The following RALGPS1 variants were observed in gnomAD, a reference collection of about 807,000 sequenced individuals.
RALGPS1 encodes Ral GEF with PH domain and SH3 binding motif 1.
RALGPS1 carries 19 observed loss-of-function variants against 78.8 expected under a neutral mutation model. The ratio of observed to expected loss-of-function variants is 0.24; its 90% confidence interval spans 0.17 to 0.35. The LOEUF (loss-of-function observed/expected upper bound fraction) is 0.35, where lower values mean the gene tolerates loss of function less well. Ranked by LOEUF, RALGPS1 falls within the 10% of genes least tolerant of loss-of-function variation. RALGPS1 has a pLI of 1.00. For missense variants in RALGPS1, 454 were observed against 688.3 expected, an observed-to-expected ratio of 0.66 and a Z score of 3.81; for synonymous variants, 228 against 256.3, an observed-to-expected ratio of 0.89 and a Z score of 1.06.
chr9:127,006,528 A>C (rs2133784013), intron 4 of RALGPS1, among the ~76,000 whole-genome samples: 1 of 152,290 alleles, frequency 6.6e-6, no homozygotes, highest in Non-Finnish European at 1.5e-5. Context: ...TCACAATTCC[A>C]CTGTTACATT....
intron 1 of RALGPS1, among the ~76,000 whole-genome samples, chr9:126,923,958 C>T (rs954363676): frequency 6.6e-6 from 1 of 152,194 alleles, no homozygotes; most frequent in Non-Finnish European, 1.5e-5. Context: ...TGCTATGGGA[C>T]ACTTTGGCAA....
intron 6 of RALGPS1, 102 bp downstream of exon 6, chr9:127,050,234 G>T: frequency 1.0e-6 from 1 of 960,072 alleles, no homozygotes; most frequent in Non-Finnish European, 1.6e-6. Context: ...CTTTGCTGTG[G>T]GCCTGCCAGG....
chr9:126,943,677 C>T (rs537716), intron 1 of RALGPS1, among the ~76,000 whole-genome samples: 4,190 of 152,206 alleles, frequency 0.028, 52 homozygotes, highest in Middle Eastern at 0.048. Flanking sequence ...GTTTTCCTGT[C>T]ACCTGGGGTG....
At chr9:127,044,870 C>T (rs1287646407) in intron 5 of RALGPS1, among the ~76,000 whole-genome samples, 1 of 152,172 alleles carries the variant, frequency 6.6e-6, no homozygotes, top group Non-Finnish European at 1.5e-5. Context: ...TCTTTTCTTC[C>T]TCCTCCTGAA....
chr9:127,113,956 T>C (rs1444369103), intron 8 of RALGPS1, among the ~76,000 whole-genome samples: 1 of 152,274 alleles, frequency 6.6e-6, no homozygotes, highest in Non-Finnish European at 1.5e-5. Flanking sequence ...AGCTGTGTGT[T>C]CTGCCCTGCA....
intron 8 of RALGPS1, among the ~76,000 whole-genome samples, chr9:127,084,527 C>A (rs2051500204): frequency 6.6e-6 from 1 of 152,214 alleles, no homozygotes; most frequent in Non-Finnish European, 1.5e-5. Flanking sequence ...CCTCTTCCCA[C>A]TGCTCTTTGT....
chr9:127,138,336 G>T (rs532298339), intron 8 of RALGPS1, among the ~76,000 whole-genome samples: 2 of 152,312 alleles, frequency 1.3e-5, no homozygotes, highest in African/African-American at 4.8e-5. Flanking sequence ...GAGCTGGGAA[G>T]AGAGGCCAGA....
At chr9:127,027,294 A>G (rs1206922074) in intron 4 of RALGPS1, among the ~76,000 whole-genome samples, 1 of 152,160 alleles carries the variant, frequency 6.6e-6, no homozygotes, top group Non-Finnish European at 1.5e-5. Context: ...TGCATATGTC[A>G]GGTGTCATTT....
At chr9:127,070,387 T>G (rs979422100) in intron 8 of RALGPS1, among the ~76,000 whole-genome samples, 3 of 152,214 alleles carry the variant, frequency 2.0e-5, no homozygotes, top group African/African-American at 7.2e-5. Flanking sequence ...TTGCAAAAAC[T>G]TTCTACATGT....
intron 1 of RALGPS1, among the ~76,000 whole-genome samples, chr9:126,950,361 G>A (rs1400734084): frequency 6.6e-6 from 1 of 152,164 alleles, no homozygotes; most frequent in Non-Finnish European, 1.5e-5. Flanking sequence ...AAAGTCATTG[G>A]TAGCTTGATG....
intron 1 of RALGPS1, among the ~76,000 whole-genome samples, chr9:126,917,460 A>C (rs1338911651): frequency 6.6e-6 from 1 of 152,096 alleles, no homozygotes; most frequent in Non-Finnish European, 1.5e-5. Context: ...CTTGAAATGG[A>C]TTTTCCTTTT....
At chr9:127,089,900 T>C (rs970287912) in intron 8 of RALGPS1, among the ~76,000 whole-genome samples, 2 of 152,166 alleles carry the variant, frequency 1.3e-5, no homozygotes, top group East Asian at 3.9e-4. Context: ...GTCCCCACTT[T>C]CCTGACTGGG....
intron 3 of RALGPS1, among the ~76,000 whole-genome samples, chr9:126,969,921 C>T (rs1340256734): frequency 6.6e-6 from 1 of 152,168 alleles, no homozygotes; most frequent in East Asian, 1.9e-4. Context: ...CTTCAGCTTA[C>T]ATGTGAAACC....
intron 13 of RALGPS1, among the ~76,000 whole-genome samples, chr9:127,196,889 A>T (rs1171744406): frequency 6.6e-6 from 1 of 152,188 alleles, no homozygotes; most frequent in Non-Finnish European, 1.5e-5. Flanking sequence ...AGGCAGGTAG[A>T]AAAAGCAGCC....
intron 4 of RALGPS1, among the ~76,000 whole-genome samples, chr9:127,030,864 G>A (rs1446215266): frequency 6.6e-6 from 1 of 152,142 alleles, no homozygotes. Context: ...TTTAAGTTTG[G>A]TGGCAGGAAG....
Position 127,195,164 on chromosome 9 carries a change from C to T in RALGPS1, c.984C>T (p.Ser328=). The T allele has an allele frequency of 6.2e-7, 1 of 1,612,822 alleles. No individual in the cohort carries two copies. The change falls in exon 12 of 19, where the codon AGC becomes AGT. Residue 328 remains serine, a synonymous_variant. Coordinates refer to ENST00000259351, the MANE Select transcript of RALGPS1 (RefSeq NM_014636.3). ...PTCPDTSVAG[S]LPTPPVPRHR... ...GTCCTGACACATCTGTTGCTGGCAGCCTCCCCACACCTCCAGTCCCCAGAC... is the reference window on the plus strand; with the variant it reads ...GTCCTGACACATCTGTTGCTGGCAGTCTCCCCACACCTCCAGTCCCCAGAC...
chr9:127,069,159 T>C (rs1459986519), intron 7 of RALGPS1, 71 bp from the exon 8 acceptor site: 1 of 1,409,572 alleles, frequency 7.1e-7, no homozygotes, highest in South Asian at 1.3e-5. Context: ...CCTTTTAGTC[T>C]TCATCCACAG....
intron 1 of RALGPS1, among the ~76,000 whole-genome samples, chr9:126,947,565 A>G (rs1462617826): frequency 6.6e-6 from 1 of 152,202 alleles, no homozygotes; most frequent in Non-Finnish European, 1.5e-5. Context: ...TTCTCCCCAG[A>G]GGAGGAAAGT....
At chr9:126,952,693 G>GTGTC (rs1210069077) in intron 1 of RALGPS1, among the ~76,000 whole-genome samples, 1 of 152,022 alleles carries the variant, frequency 6.6e-6, no homozygotes, top group Non-Finnish European at 1.5e-5. Flanking sequence ...GTGTGTCTGT[G>GTGTC]TGTCTGTGCG....
Sources: gnomAD v4.1 joint callset for allele counts (sites outside exome capture counted in the v4.1 genomes callset) on GRCh38, gnomAD v4.1.1 for gene constraint, MANE v1.5 for transcripts, NCBI Gene and HGNC (gene_info 2026-07-23, HGNC 2026-07-21) for gene names.